Variants in DLC1 observed in about 807,000 individuals in gnomAD.
The protein encoded by DLC1 is DLC1 Rho GTPase activating protein.
Under a neutral mutation model 140.3 loss-of-function variants are expected in DLC1, and 54 were observed. The ratio of observed to expected loss-of-function variants is 0.38; its 90% confidence interval spans 0.31 to 0.48. DLC1 has a LOEUF of 0.48. Ranked by LOEUF, DLC1 falls within the 20% of genes least tolerant of loss-of-function variation. The pLI, the probability that DLC1 is intolerant of heterozygous loss-of-function variation, is 0.96. For synonymous variants in DLC1, 986 were observed against 728.1 expected, an observed-to-expected ratio of 1.35 and a Z score of -5.70; for missense variants, 2,536 against 1,907.0, an observed-to-expected ratio of 1.33 and a Z score of -6.14.
intron 10 of DLC1, among the ~76,000 whole-genome samples, chr8:13,096,347 C>T (rs1253134986): frequency 1.3e-5 from 2 of 152,172 alleles, no homozygotes; most frequent in African/African-American, 4.8e-5. Context: ...AAATATTACT[C>T]TAAGCACAGA....
intron 5 of DLC1, among the ~76,000 whole-genome samples, chr8:13,207,623 C>G (rs912778871): frequency 2.6e-5 from 4 of 152,050 alleles, no homozygotes; most frequent in Non-Finnish European, 5.9e-5. Flanking sequence ...TTGCTTTACA[C>G]CATATATTAG....
intron 5 of DLC1, among the ~76,000 whole-genome samples, chr8:13,117,400 C>T (rs554420063): frequency 1.3e-5 from 2 of 152,070 alleles, no homozygotes; most frequent in South Asian, 4.2e-4. Context: ...ATTGCTTCAG[C>T]TTGGAAGGCT....
chr8:13,153,270 AGT>A (rs1823977007), intron 5 of DLC1, among the ~76,000 whole-genome samples: 1 of 152,052 alleles, frequency 6.6e-6, no homozygotes, highest in African/African-American at 2.4e-5. Context: ...CTTCGCTGTG[AGT>A]GTTACAGCCC....
chr8:13,122,472 G>C (rs964024191), intron 5 of DLC1, among the ~76,000 whole-genome samples: 2 of 151,742 alleles, frequency 1.3e-5, no homozygotes, highest in African/African-American at 4.9e-5. Flanking sequence ...ATTACAGAGA[G>C]GTTGGTGTGA....
At chr8:13,516,074 A>G (rs1802575538), upstream of DLC1, among the ~76,000 whole-genome samples, 2 of 152,032 alleles carry the variant, frequency 1.3e-5, no homozygotes, top group African/African-American at 4.8e-5. Context: ...GACTTTAATT[A>G]TCTTGCTTGG....
chr8:13,238,456 T>A (rs1585979579), intron 5 of DLC1, among the ~76,000 whole-genome samples: 1 of 151,596 alleles, frequency 6.6e-6, no homozygotes, highest in African/African-American at 2.4e-5. Flanking sequence ...GAGGCTGCAG[T>A]GAGCCACGTT....
At chr8:13,256,725 G>A (rs1286406927) in intron 5 of DLC1, among the ~76,000 whole-genome samples, 9 of 152,038 alleles carry the variant, frequency 5.9e-5, no homozygotes, top group African/African-American at 9.7e-5. Context: ...GCCTGTTGGC[G>A]GGTGGGGGCA....
intron 1 of DLC1, among the ~76,000 whole-genome samples, chr8:13,532,583 T>G (rs1259922031): frequency 1.0e-5 from 1 of 95,790 alleles, no homozygotes; most frequent in Non-Finnish European, 2.8e-5. Context: ...TCTCTTTCTC[T>G]CTCTCTCTCT....
intron 2 of DLC1, among the ~76,000 whole-genome samples, chr8:13,484,255 A>C (rs1800868471): frequency 6.6e-6 from 1 of 152,150 alleles, no homozygotes; most frequent in Admixed American, 6.5e-5. Context: ...TGAAGATGTA[A>C]AATTATTATG....
intron 5 of DLC1, among the ~76,000 whole-genome samples, chr8:13,242,462 C>T (rs1357762162): frequency 6.6e-6 from 1 of 151,748 alleles, no homozygotes; most frequent in Non-Finnish European, 1.5e-5. Flanking sequence ...GTGGCATGAC[C>T]ACAGCTCACT....
chr8:13,493,434 A>G (rs1200069683), intron 2 of DLC1, among the ~76,000 whole-genome samples: 1 of 152,134 alleles, frequency 6.6e-6, no homozygotes, highest in Non-Finnish European at 1.5e-5. Flanking sequence ...GTTGATACAT[A>G]AACATTGTTT....
chr8:13,563,498 G>T (rs1171163467), intron 1 of DLC1, among the ~76,000 whole-genome samples: 1 of 152,130 alleles, frequency 6.6e-6, no homozygotes, highest in African/African-American at 2.4e-5. Flanking sequence ...GAAAGAATCA[G>T]CTCCTCACAG....
intron 2 of DLC1, among the ~76,000 whole-genome samples, chr8:13,440,385 C>G (rs952734353): frequency 2.6e-5 from 4 of 152,158 alleles, no homozygotes; most frequent in Admixed American, 1.3e-4. Context: ...TGTTAACAAA[C>G]ATAAATAGAC....
intron 5 of DLC1, among the ~76,000 whole-genome samples, chr8:13,217,057 A>T (rs564391842): frequency 6.6e-6 from 1 of 152,258 alleles, no homozygotes; most frequent in Non-Finnish European, 1.5e-5. Context: ...CCTAGTTTCA[A>T]ATTGGAGCCA....
intron 5 of DLC1, among the ~76,000 whole-genome samples, chr8:13,224,769 G>A (rs1476098525): frequency 6.6e-6 from 1 of 152,156 alleles, no homozygotes; most frequent in African/African-American, 2.4e-5. Context: ...CTACAAGAGT[G>A]AGCGCCTACA....
At chr8:13,497,359 C>G (rs1801563035) in intron 2 of DLC1, among the ~76,000 whole-genome samples, 1 of 152,108 alleles carries the variant, frequency 6.6e-6, no homozygotes. Context: ...AATTCCCAAC[C>G]TAAAAGTTTT....
chr8:13,341,613 C>T (rs1834055471), intron 4 of DLC1: 2 of 152,052 alleles, frequency 1.3e-5, no homozygotes, highest in Admixed American at 1.3e-4. Flanking sequence ...AGAGGATGTC[C>T]CAGCAGTTAG....
intron 1 of DLC1, among the ~76,000 whole-genome samples, chr8:13,549,499 TGA>T (rs1306890116): frequency 6.6e-6 from 1 of 152,212 alleles, no homozygotes; most frequent in East Asian, 1.9e-4. Context: ...CACATTTTCA[TGA>T]AATACCCCAG....
At chr8:13,509,846 A>G (rs1054725870) in intron 1 of DLC1, among the ~76,000 whole-genome samples, 1 of 152,182 alleles carries the variant, frequency 6.6e-6, no homozygotes, top group South Asian at 2.1e-4. Flanking sequence ...CCTAAATTCT[A>G]TGTACCTCAG....
Sources: allele counts gnomAD v4.1 joint callset (sites outside exome capture counted in the v4.1 genomes callset), GRCh38; gene constraint gnomAD v4.1.1; transcripts MANE v1.5; gene names NCBI Gene and HGNC (gene_info 2026-07-23, HGNC 2026-07-21).